VAV1: variants seen among roughly 807,000 people sequenced by gnomAD.
The protein encoded by VAV1 is proto-oncogene vav.
VAV1 carries 33 observed loss-of-function variants against 128.1 expected under a neutral mutation model. The observed-to-expected ratio is 0.26, with a 90% CI of 0.20 to 0.34. The LOEUF (loss-of-function observed/expected upper bound fraction) is 0.34. Among genes scored for constraint, VAV1 ranks in the 10% least tolerant of loss-of-function variants. The probability of loss-of-function intolerance (pLI) is 1.00; values close to 1 mark genes in which losing one functional copy is unlikely to be tolerated. For missense variants in VAV1, 715 were observed against 1,093.7 expected (o/e 0.65, Z 4.88); for synonymous variants, 394 against 409.8 (o/e 0.96, Z 0.47).
chr19:6,830,527 G>A (rs1972030423), intron 14 of VAV1, among the ~76,000 whole-genome samples: 1 of 148,312 alleles, frequency 6.7e-6, no homozygotes, highest in South Asian at 2.2e-4. Context: ...GCAACCTCTG[G>A]CTCCCAGGTT....
intron 21 of VAV1, among the ~76,000 whole-genome samples, chr19:6,838,621 CT>C: frequency 6.6e-6 from 1 of 152,220 alleles, no homozygotes; most frequent in East Asian, 1.9e-4. Context: ...TCATTTCTCT[CT>C]CATCTATTCA....
At chr19:6,785,285 C>T (rs1338752654) in intron 1 of VAV1, among the ~76,000 whole-genome samples, 2 of 152,096 alleles carry the variant, frequency 1.3e-5, no homozygotes, top group East Asian at 1.9e-4. Context: ...GATCCTCTCG[C>T]CTCTGCCTCC....
chr19:6,814,655 C>CTTTCTTT (rs1971583698), intron 1 of VAV1, among the ~76,000 whole-genome samples: 1 of 44,784 alleles, frequency 2.2e-5, no homozygotes, highest in Non-Finnish European at 3.7e-5. Context: ...TTCCTTCCTT[C>CTTTCTTT]CTTCCTTCCT....
At chr19:6,855,841 CT>C (rs1972785512) in intron 26 of VAV1, among the ~76,000 whole-genome samples, 2 of 134,440 alleles carry the variant, frequency 1.5e-5, no homozygotes, top group Non-Finnish European at 3.2e-5. Context: ...ATCTATCTAT[CT>C]ATCCATTCAT....
At chr19:6,775,703 G>A (rs1970605164) in intron 1 of VAV1, among the ~76,000 whole-genome samples, 2 of 152,130 alleles carry the variant, frequency 1.3e-5, no homozygotes, top group Non-Finnish European at 1.5e-5. Context: ...GGGGACGTGT[G>A]AGGGAAGGTA....
rs1972730167 is a variant in VAV1, at chr19:6,854,005, C to T, written c.2391C>T (p.Asp797=). 6.2e-7 allele frequency: 1 copy of T among 1,613,802 alleles called. No homozygotes were observed. Among genetic ancestry groups the T allele is most frequent in the African/African-American group, 1.3e-5 (1 of 74,922 alleles). The change falls in exon 26 of 27, where the codon GAC becomes GAT. Residue 797 remains aspartate (D), a synonymous_variant. Transcript: ENST00000602142. The stretch of plus-strand genomic sequence containing the variant: ...CCCGCTATGACTTCTGCGCCCGAGA[C>T]CGATCAGAGCTGTCGCTCAAGGAGG... ...AKARYDFCAR[D]RSELSLKEGD...
Position 6,818,234 on chromosome 19 carries a change from C to T in VAV1, c.205-2468C>T, listed in dbSNP as rs555445597. On this transcript the variant is annotated intron_variant, in intron 1 of 26. Transcript: ENST00000602142. ...TTTAAATAGGGTGGCTAGAGGAGGTCTCACAGAGAAGGTGTCCTTTGAGGA... is the reference window on the plus strand; with the variant it reads ...TTTAAATAGGGTGGCTAGAGGAGGTTTCACAGAGAAGGTGTCCTTTGAGGA... Among the ~76,000 whole-genome samples the T allele has an allele frequency of 3.3e-5, 5 of 152,294 alleles. No individual in the cohort carries two copies. The South Asian group carries it at 1.0e-3, about 32-fold the overall frequency.
At position 6,779,203 on chromosome 19, in the gene VAV1, C is replaced by A. The variant is rs930522129; in HGVS notation, c.204+6192C>A. The stretch of plus-strand genomic sequence containing the variant: ...AGTAGCTGGGACTACAGGTGTGCAC[C>A]AGCAATACCTGGCTAATTTTTTATT... On this transcript the variant is annotated intron_variant, in intron 1 of 26. Coordinates refer to ENST00000602142, the MANE Select transcript of VAV1 (RefSeq NM_005428.4). Among the ~76,000 whole-genome samples the A allele has an allele frequency of 3.6e-4, 55 of 150,974 alleles. 3 individuals carry two copies. Among genetic ancestry groups the A allele is most frequent in the Non-Finnish European group, 2.8e-4 (19 of 67,452 alleles).
chr19:6,840,958 AGTAGAGACAGG>A (rs566745058), intron 21 of VAV1, among the ~76,000 whole-genome samples: 2 of 151,992 alleles, frequency 1.3e-5, no homozygotes, highest in South Asian at 4.2e-4. Context: ...TTGTATTTTT[AGTAGAGACAGG>A]GTTTCACCAT....
intron 1 of VAV1, among the ~76,000 whole-genome samples, chr19:6,789,819 G>A (rs1970977878): frequency 6.6e-6 from 1 of 150,882 alleles, no homozygotes; most frequent in Non-Finnish European, 1.5e-5. Context: ...GGCTGGTCTG[G>A]AACTCCTGAC....
At chr19:6,789,453 G>A (rs906148004) in intron 1 of VAV1, among the ~76,000 whole-genome samples, 8 of 152,208 alleles carry the variant, frequency 5.3e-5, no homozygotes, top group East Asian at 1.9e-4. Context: ...GGGTTTCACC[G>A]TGTTAGCCAG....
intron 1 of VAV1, chr19:6,784,377 G>T (rs1325915477): frequency 1.4e-5 from 6 of 415,240 alleles, no homozygotes; most frequent in Non-Finnish European, 2.6e-5. Flanking sequence ...AGCAACTTCA[G>T]CAAAATGGGT....
intron 1 of VAV1, among the ~76,000 whole-genome samples, chr19:6,796,218 T>G (rs1599630732): frequency 6.6e-6 from 1 of 152,230 alleles, no homozygotes; most frequent in Non-Finnish European, 1.5e-5. Context: ...ATGGGTCTAC[T>G]GCCTTCAGCC....
intron 14 of VAV1, among the ~76,000 whole-genome samples, chr19:6,830,902 A>G (rs1023549739): frequency 6.6e-6 from 1 of 152,070 alleles, no homozygotes; most frequent in East Asian, 1.9e-4. Flanking sequence ...AGCCTGGGCA[A>G]CATAGGGAGA....
At chr19:6,795,808 C>T (rs139966812) in intron 1 of VAV1, among the ~76,000 whole-genome samples, 2,654 of 152,246 alleles carry the variant, frequency 0.017, 30 homozygotes, top group South Asian at 0.055. Flanking sequence ...CTCAGCCTCC[C>T]GAGCAGCTGG....
intron 22 of VAV1, among the ~76,000 whole-genome samples, chr19:6,843,538 TAC>T: frequency 6.6e-6 from 1 of 152,272 alleles, no homozygotes; most frequent in African/African-American, 2.4e-5. Context: ...GGTGGAGGTT[TAC>T]AGTGTGGCTT....
chr19:6,828,659 A>G lies in VAV1; in HGVS notation c.1130A>G (p.Asn377Ser). 1 of 1,614,124 alleles carries G rather than the reference A, an allele frequency of 6.2e-7. No individual in the cohort carries two copies. Among genetic ancestry groups the G allele is most frequent in the Non-Finnish European group, 8.5e-7 (1 of 1,180,002 alleles). Residue 377 changes from asparagine to serine, a missense_variant, in exon 12 of 27, where the codon AAC becomes AGC. Around this residue, in one of 3 missense-constraint regions of VAV1, gnomAD observed 6 missense variants for 35.3 expected, o/e 0.17. Coordinates refer to ENST00000602142, the MANE Select transcript of VAV1 (RefSeq NM_005428.4). The surrounding 1 kb of genome is among the most constrained non-coding windows in gnomAD (Gnocchi z 4.5). ...TGCGTGAACGAGGTCAAGCGAGACA[A>G]CGAGACACTGCGACAGATCACCAAT... ...AQCVNEVKRD[N>S]ETLRQITNFQ...
chr19:6,821,778 C>T lies in VAV1; in HGVS notation c.381-13C>T. 1 of 1,614,122 alleles carries T rather than the reference C, an allele frequency of 6.2e-7. No homozygotes were observed. The highest frequency in any genetic ancestry group is 8.5e-7 in the Non-Finnish European group (1 of 1,179,972). On this transcript the variant is annotated splice_polypyrimidine_tract_variant and intron_variant, in intron 3 of 26. Transcript: ENST00000602142. Reference sequence around the variant, plus strand: ...CCCCCAGGCCCCTGGCTCACACCCTCCTGACCCCCCAGGCCCTTCCCCACC... The same window carrying T: ...CCCCCAGGCCCCTGGCTCACACCCTTCTGACCCCCCAGGCCCTTCCCCACC...
intron 22 of VAV1, among the ~76,000 whole-genome samples, chr19:6,845,828 T>C (rs1030453906): frequency 6.8e-6 from 1 of 148,000 alleles, no homozygotes; most frequent in Non-Finnish European, 1.5e-5. Context: ...AAATTGTATA[T>C]TTACATTTAT....
Sources: gnomAD v4.1 joint callset for allele counts (sites outside exome capture counted in the v4.1 genomes callset) on GRCh38, gnomAD v4.1.1 for gene constraint, gnomAD v4.1.1 regional missense constraint, Gnocchi (gnomAD v3.1) non-coding constraint, MANE v1.5 for transcripts, NCBI Gene and HGNC (gene_info 2026-07-23, HGNC 2026-07-21) for gene names.